Variants in CACNB2 observed in about 807,000 individuals in gnomAD.
CACNB2 encodes the protein voltage-dependent L-type calcium channel subunit beta-2.
In CACNB2, 42 loss-of-function variants were observed where a neutral mutation model predicts 73.3. The ratio of observed to expected loss-of-function variants is 0.57; its 90% CI spans 0.45 to 0.74. CACNB2 has a LOEUF of 0.74. Ranked by LOEUF, CACNB2 falls within the 30% of genes least tolerant of loss-of-function variation. The pLI is 0.00. For synonymous variants in CACNB2, 348 were observed against 310.3 expected (o/e 1.12, Z -1.28); for missense variants, 940 against 853.0 (o/e 1.10, Z -1.27).
At chr10:18,151,099 A>C (rs2031516505) in intron 2 of CACNB2, 124 bp downstream of exon 2, 1 of 736,056 alleles carries the variant, frequency 1.4e-6, no homozygotes, top group South Asian at 1.5e-5. Flanking sequence ...AATTGAAGTG[A>C]AGACGGTGCT....
intron 2 of CACNB2, among the ~76,000 whole-genome samples, chr10:18,306,479 T>A (rs2039732449): frequency 6.6e-6 from 1 of 152,180 alleles, no homozygotes; most frequent in South Asian, 2.1e-4. Flanking sequence ...CCCATCAGCC[T>A]TGTTGCAGTA....
intron 2 of CACNB2, among the ~76,000 whole-genome samples, chr10:18,313,705 C>T (rs1454727345): frequency 6.6e-6 from 1 of 152,172 alleles, no homozygotes; most frequent in African/African-American, 2.4e-5. Flanking sequence ...TCCACTAAAG[C>T]CATAAAGCCA....
intron 2 of CACNB2, among the ~76,000 whole-genome samples, chr10:18,313,333 A>T (rs1161412948): frequency 6.7e-6 from 1 of 149,324 alleles, no homozygotes; most frequent in Admixed American, 6.8e-5. Context: ...CGTCGCGTGC[A>T]TGGTAGGATG....
chr10:18,314,956 A>G (rs1408463099), intron 2 of CACNB2, among the ~76,000 whole-genome samples: 1 of 152,214 alleles, frequency 6.6e-6, no homozygotes, highest in African/African-American at 2.4e-5. Flanking sequence ...TTTTTAAAAA[A>G]TACTTGCCCT....
chr10:18,523,994 A>G (rs560089537), intron 9 of CACNB2, among the ~76,000 whole-genome samples: 70 of 152,304 alleles, frequency 4.6e-4, no homozygotes, highest in African/African-American at 1.6e-3. Context: ...ATTCTGGTTA[A>G]GTAGTGTCAG....
At chr10:18,495,119 G>T (rs942748515) in intron 3 of CACNB2, among the ~76,000 whole-genome samples, 2 of 151,952 alleles carry the variant, frequency 1.3e-5, no homozygotes, top group Middle Eastern at 3.2e-3. Flanking sequence ...GTAGAAAGAG[G>T]CTTTTGTACA....
intron 2 of CACNB2, among the ~76,000 whole-genome samples, chr10:18,388,859 T>G (rs2043343847): frequency 6.6e-6 from 1 of 152,232 alleles, no homozygotes; most frequent in African/African-American, 2.4e-5. Context: ...ACCTTTACTT[T>G]GTTCTCTGTT....
intron 2 of CACNB2, among the ~76,000 whole-genome samples, chr10:18,310,630 T>TAA (rs760799280): frequency 8.0e-5 from 8 of 99,506 alleles, no homozygotes; most frequent in African/African-American, 2.3e-4. Context: ...AAAAAAAAAG[T>TAA]AAAAAAAAAA....
At chr10:18,364,041 G>A (rs768526535) in intron 2 of CACNB2, among the ~76,000 whole-genome samples, 2 of 150,760 alleles carry the variant, frequency 1.3e-5, no homozygotes, top group African/African-American at 4.9e-5. Context: ...TCCGCCTCCC[G>A]GGTTCAAGTG....
rs537567442 is a variant in CACNB2 at position 18,517,167 on chromosome 10, C to T, written c.805-1169C>T. Among the ~76,000 whole-genome samples the T allele has an allele frequency of 2.0e-5, 3 of 152,262 alleles. No individual in the cohort carries two copies. The South Asian group carries it at 6.2e-4, about 32-fold the overall frequency. On this transcript the variant is annotated intron_variant, in intron 7 of 13. Coordinates refer to ENST00000324631, the MANE Select transcript of CACNB2 (RefSeq NM_201596.3). ...TGAATTCTTAAAATCATTTACAGAA[C>T]ATTTTTCTGTTGGTGTGTGTGATTC...
chr10:18,330,812 G>A (rs950957041), intron 2 of CACNB2, among the ~76,000 whole-genome samples: 1 of 151,434 alleles, frequency 6.6e-6, no homozygotes, highest in Non-Finnish European at 1.5e-5. Flanking sequence ...GAGATTACAG[G>A]CCCCCGCCAC....
At chr10:18,173,754 A>T (rs1343401058) in intron 2 of CACNB2, among the ~76,000 whole-genome samples, 1 of 152,164 alleles carries the variant, frequency 6.6e-6, no homozygotes, top group Non-Finnish European at 1.5e-5. Flanking sequence ...GGCCCAGGAC[A>T]TTGTATGTTT....
intron 2 of CACNB2, among the ~76,000 whole-genome samples, chr10:18,233,789 A>G (rs978475676): frequency 2.0e-5 from 3 of 152,180 alleles, no homozygotes; most frequent in Non-Finnish European, 4.4e-5. Context: ...GCACAAAAGA[A>G]TAAAAAATAA....
chr10:18,298,602 T>C (rs950777407), intron 2 of CACNB2, among the ~76,000 whole-genome samples: 2 of 152,126 alleles, frequency 1.3e-5, no homozygotes, highest in Non-Finnish European at 2.9e-5. Context: ...TTCCAAGAGA[T>C]CTGGGTCTAT....
At chr10:18,408,429 G>A (rs1247537352) in intron 3 of CACNB2, among the ~76,000 whole-genome samples, 2 of 151,730 alleles carry the variant, frequency 1.3e-5, no homozygotes, top group South Asian at 4.2e-4. Flanking sequence ...AATAGAGACA[G>A]AGTTTCACCA....
chr10:18,368,728 T>C (rs933405662), intron 2 of CACNB2, among the ~76,000 whole-genome samples: 7 of 152,202 alleles, frequency 4.6e-5, no homozygotes, highest in African/African-American at 1.7e-4. Context: ...TTAACCCTCA[T>C]GTGTTTAAAA....
At chr10:18,193,776 A>G (rs1363083276) in intron 2 of CACNB2, among the ~76,000 whole-genome samples, 1 of 152,198 alleles carries the variant, frequency 6.6e-6, no homozygotes, top group Non-Finnish European at 1.5e-5. Context: ...TCATTTATTC[A>G]GTAAATATGT....
intron 2 of CACNB2, among the ~76,000 whole-genome samples, chr10:18,211,104 CT>C (rs1465237768): frequency 4.6e-5 from 7 of 152,096 alleles, no homozygotes; most frequent in Non-Finnish European, 8.8e-5. Flanking sequence ...ATTATTTTTG[CT>C]GTTGATGTTG....
At chr10:18,483,538 A>G (rs2048899946) in intron 3 of CACNB2, among the ~76,000 whole-genome samples, 1 of 151,668 alleles carries the variant, frequency 6.6e-6, no homozygotes, top group African/African-American at 2.4e-5. Flanking sequence ...TCTCAAAAAA[A>G]AAAAAAAAGA....
Sources: gnomAD v4.1 joint callset for allele counts (sites outside exome capture counted in the v4.1 genomes callset) on GRCh38, gnomAD v4.1.1 for gene constraint, MANE v1.5 for transcripts, NCBI Gene and HGNC (gene_info 2026-07-23, HGNC 2026-07-21) for gene names.